OR4K14: variants seen among roughly 807,000 people sequenced by gnomAD.
The protein encoded by OR4K14 is olfactory receptor 4K14.
For synonymous variants in OR4K14, 153 were observed against 141.5 expected (o/e 1.08, Z -0.58); for missense variants, 406 against 373.6 (o/e 1.09, Z -0.72).
chr14:20,014,936 G>T lies in OR4K14; in HGVS notation c.258C>A (p.Phe86Leu). The change falls in exon 2 of 2, where the codon TTC (phenylalanine) becomes TTA (leucine). Residue 86 changes from phenylalanine (F) to leucine (L), a missense_variant. By Grantham distance (22) the Phe-to-Leu change is conservative (BLOSUM62 0). Coordinates refer to ENST00000641793, the MANE Select transcript of OR4K14 (RefSeq NM_001004712.2). ...AGGAGATGAGTTTTTGATCACTAAG[G>T]AAATCCCTGATCATCTTGGGAGTGG... ...SFATPKMIRD[F>L]LSDQKLISFG... is the part of the protein sequence containing the mutation. 6.2e-7 allele frequency: 1 copy of T among 1,614,102 alleles called. No individual in the cohort carries two copies. Among genetic ancestry groups the T allele is most frequent in the Non-Finnish European group, 8.5e-7 (1 of 1,179,998 alleles).
intron 1 of OR4K14, 120 bp downstream of exon 1, chr14:20,019,023 A>T (rs995258227): frequency 3.3e-5 from 5 of 151,984 alleles, no homozygotes; most frequent in Non-Finnish European, 5.9e-5. Flanking sequence ...ATTTAACTTC[A>T]ACTTGCAAGT....
chr14:20,017,956 C>T (rs17276940), intron 1 of OR4K14, among the ~76,000 whole-genome samples: 2,233 of 152,028 alleles, frequency 0.015, 36 homozygotes, highest in Non-Finnish European at 0.021. Context: ...GAGTCTCACT[C>T]TCCTCACTGA....
Position 20,014,951 on chromosome 14 carries a change from C to T in OR4K14, c.243G>A (p.Lys81=). Residue 81 remains lysine (K), a synonymous_variant, in exon 2 of 2, where the codon AAG becomes AAA. Transcript: ENST00000641793. ...GATCACTAAGGAAATCCCTGATCAT[C>T]TTGGGAGTGGCAAATGAGGCCAGCC... ...DMWLASFATP[K]MIRDFLSDQK... is the part of the protein sequence containing the mutation. 6.2e-7 allele frequency: 1 copy of T among 1,614,064 alleles called. No homozygotes were observed. Among genetic ancestry groups the T allele is most frequent in the Non-Finnish European group, 8.5e-7 (1 of 1,179,968 alleles).
At chr14:20,015,408 G>A (rs1391599511) in intron 1 of OR4K14, among the ~76,000 whole-genome samples, 186 bp from the exon 2 acceptor site, 1 of 152,154 alleles carries the variant, frequency 6.6e-6, no homozygotes, top group Non-Finnish European at 1.5e-5. Flanking sequence ...GGAGAAGGGT[G>A]AGGGATAAGT....
chr14:20,015,265 A>T, intron 1 of OR4K14, 43 bp from the exon 2 acceptor site: 1 of 880,894 alleles, frequency 1.1e-6, no homozygotes, highest in Non-Finnish European at 1.8e-6. Flanking sequence ...CAACACCTCA[A>T]GGACATTGTA....
chr14:20,017,450 T>C (rs946378485), intron 1 of OR4K14, among the ~76,000 whole-genome samples: 5 of 152,058 alleles, frequency 3.3e-5, no homozygotes, highest in African/African-American at 1.2e-4. Flanking sequence ...TTTTTGCTCT[T>C]ATCATTTTTA....
At chr14:20,015,498 T>C (rs12588168) in intron 1 of OR4K14, among the ~76,000 whole-genome samples, 46,075 of 152,106 alleles carry the variant, frequency 0.3, 7,598 homozygotes, top group East Asian at 0.59. Flanking sequence ...TTATAGCTAA[T>C]AGCAATATAT....
intron 1 of OR4K14, among the ~76,000 whole-genome samples, chr14:20,016,401 G>A (rs1290425004): frequency 6.6e-6 from 1 of 151,790 alleles, no homozygotes. Context: ...ATACAGATGA[G>A]CTCCCAAATC....
chr14:20,016,154 A>C (rs868265664), intron 1 of OR4K14, among the ~76,000 whole-genome samples: 2 of 17,672 alleles, frequency 1.1e-4, no homozygotes, highest in African/African-American at 1.8e-4. Context: ...TACATTATTA[A>C]GTGTCTCTTC....
At chr14:20,015,809 C>A (rs576459470) in intron 1 of OR4K14, among the ~76,000 whole-genome samples, 2 of 152,056 alleles carry the variant, frequency 1.3e-5, no homozygotes, top group East Asian at 1.9e-4. Context: ...TACTAACAAG[C>A]ATGTATATTT....
chr14:20,018,015 C>T (rs1258933887), intron 1 of OR4K14, among the ~76,000 whole-genome samples: 6 of 151,886 alleles, frequency 4.0e-5, no homozygotes, highest in Admixed American at 3.3e-4. Context: ...ACATAGAATC[C>T]TTCATGAGAA....
chr14:20,014,893 G>A lies in OR4K14; in HGVS notation c.301C>T (p.Gln101Ter). Residue 101 changes from glutamine to a stop codon, truncating the protein, a stop_gained, in exon 2 of 2, where the codon CAA becomes TAA. Transcript: ENST00000641793. LOFTEE classifies it low-confidence loss of function (END_TRUNC). Reference sequence around the variant, plus strand: ...CCAGTAAAGTGCAAGAAGAAGATTTGAGCCATACATCCTCCAAAGGAGATG... The same window carrying A: ...CCAGTAAAGTGCAAGAAGAAGATTTAAGCCATACATCCTCCAAAGGAGATG... ...KLISFGGCMA[Q>*]IFFLHFTGGA... 6.2e-7 allele frequency: 1 copy of A among 1,614,130 alleles called. No homozygotes were observed. Among genetic ancestry groups the A allele is most frequent in the African/African-American group, 1.3e-5 (1 of 75,020 alleles).
At chr14:20,017,005 A>C (rs2039866) in intron 1 of OR4K14, among the ~76,000 whole-genome samples, 113,574 of 151,836 alleles carry the variant, frequency 0.75, 44,618 homozygotes, top group East Asian at 0.98. Context: ...CTTATTTTCC[A>C]GTTAAATTTC....
In OR4K14 at chr14:20,015,137, A is replaced by C; in HGVS notation, c.57T>G (p.Thr19=). 6.2e-7 allele frequency: 1 copy of C among 1,613,918 alleles called. No individual in the cohort carries two copies. Among genetic ancestry groups the C allele is most frequent in the Non-Finnish European group, 8.5e-7 (1 of 1,179,896 alleles). ...VSEFVLHGLC[T]SRHLQNFFFI... ...AGAAAAAATTTTGAAGATGTCGTGAAGTGCAGAGTCCATGCAACACAAATT... is the reference window on the plus strand; with the variant it reads ...AGAAAAAATTTTGAAGATGTCGTGACGTGCAGAGTCCATGCAACACAAATT... The change falls in exon 2 of 2, where the codon ACT becomes ACG. Residue 19 remains threonine (T), a synonymous_variant. Coordinates refer to ENST00000641793, the MANE Select transcript of OR4K14 (RefSeq NM_001004712.2).
At position 20,014,876 on chromosome 14, in the gene OR4K14, G is replaced by A. The variant is rs1292134246; in HGVS notation, c.318C>T (p.His106=). 5 of 1,614,142 alleles carry A rather than the reference G, an allele frequency of 3.1e-6. No individual in the cohort carries two copies. The highest frequency in any genetic ancestry group is 4.2e-6 in the Non-Finnish European group (5 of 1,180,008). Residue 106 remains histidine (H), a synonymous_variant, in exon 2 of 2, where the codon CAC becomes CAT. Transcript: ENST00000641793. The part of the protein sequence containing the change: ...GGCMAQIFFL[H]FTGGAEMVLL... ...GCACCATCTCAGCCCCACCAGTAAA[G>A]TGCAAGAAGAAGATTTGAGCCATAC... is the stretch of plus-strand genomic sequence containing the variant.
rs1223086598 is a variant in OR4K14, at chr14:20,014,363, G to T, written c.831C>A (p.Thr277=). The change falls in exon 2 of 2, where the codon ACC becomes ACA. Residue 277 remains threonine (T), a synonymous_variant. Transcript: ENST00000641793. ...TGGGGTTCAGGAGTGGAGTAAAAATGGTATAAAACACAGACAGCAGCTTGT... is the reference window on the plus strand; with the variant it reads ...TGGGGTTCAGGAGTGGAGTAAAAATTGTATAAAACACAGACAGCAGCTTGT... ...SVDKLLSVFY[T]IFTPLLNPII... is the part of the protein sequence containing the mutation. The T allele has an allele frequency of 6.2e-7, 1 of 1,613,374 alleles. No individual in the cohort carries two copies. Among genetic ancestry groups the T allele is most frequent in the African/African-American group, 1.3e-5 (1 of 74,836 alleles).
At chr14:20,017,300 C>T (rs1016854605) in intron 1 of OR4K14, among the ~76,000 whole-genome samples, 18 of 152,004 alleles carry the variant, frequency 1.2e-4, no homozygotes, top group African/African-American at 2.4e-5. Context: ...CACTTACACA[C>T]TCACTCATTC....
chr14:20,014,304 G>T lies in OR4K14; in HGVS notation c.890C>A (p.Ala297Glu), dbSNP rs1280333991. ...IYTLRNEEMKAAMKKLQNRRV... is the reference protein window; with the variant it reads ...IYTLRNEEMKEAMKKLQNRRV... ...TCGGTTTTGCAGTTTCTTCATAGCT[G>T]CTTTCATCTCCTCATTTCTCAATGT... Residue 297 changes from alanine to glutamate, a missense_variant, in exon 2 of 2, where the codon GCA becomes GAA. Physicochemically the swap from Ala to Glu is moderately radical, Grantham distance 107. Coordinates refer to ENST00000641793, the MANE Select transcript of OR4K14 (RefSeq NM_001004712.2). 1.2e-6 allele frequency: 2 copies of T among 1,612,080 alleles called. No homozygotes were observed. The highest frequency in any genetic ancestry group is 1.3e-5 in the African/African-American group (1 of 74,734).
In OR4K14 at chr14:20,015,074, CA is replaced by C. The variant is rs1390904059; in HGVS notation, c.119del (p.Leu40ArgfsTer10). On this transcript the variant is annotated frameshift_variant, in exon 2 of 2. Coordinates refer to ENST00000641793, the MANE Select transcript of OR4K14 (RefSeq NM_001004712.2). LOFTEE classifies it low-confidence loss of function (END_TRUNC). ...CAGTGACCAAAATGAGAAGGTTACC[CA>C]GCATAATGGCCACATAGACCCCAAA... Reference protein sequence around the residue: ...FFFGVYVAIMLGNLLILVTVI... With the variant: ...FFFGVYVAIMXGNLLILVTVI... The C allele has an allele frequency of 6.2e-7, 1 of 1,613,704 alleles. No individual in the cohort carries two copies. Among genetic ancestry groups the C allele is most frequent in the African/African-American group, 1.3e-5 (1 of 74,852 alleles).
Sources: gnomAD v4.1 joint callset for allele counts (sites outside exome capture counted in the v4.1 genomes callset) on GRCh38, gnomAD v4.1.1 for gene constraint, MANE v1.5 for transcripts, NCBI Gene and HGNC (gene_info 2026-07-23, HGNC 2026-07-21) for gene names.